The following ERMP1 variants were observed in gnomAD, a reference collection of about 807,000 sequenced individuals.
ERMP1 encodes Felix-ina.
Under a neutral mutation model 92.0 loss-of-function variants are expected in ERMP1, and 86 were observed. The ratio of observed to expected loss-of-function variants is 0.93; its 90% confidence interval spans 0.79 to 1.12. ERMP1 has a LOEUF of 1.12. Ranked by LOEUF, ERMP1 falls within the 50% of genes most tolerant of loss-of-function variation. The pLI is 0.00. For synonymous variants in ERMP1, 530 were observed against 412.8 expected, an observed-to-expected ratio of 1.28 and a Z score of -3.44; for missense variants, 1,342 against 1,116.3, an observed-to-expected ratio of 1.20 and a Z score of -2.88.
At chr9:5,791,611 A>G (rs1031015745) in intron 13 of ERMP1, among the ~76,000 whole-genome samples, 1 of 152,192 alleles carries the variant, frequency 6.6e-6, no homozygotes, top group Admixed American at 6.5e-5. Context: ...CTCACTTTTT[A>G]AAACACCTCA....
intron 5 of ERMP1, among the ~76,000 whole-genome samples, chr9:5,864,761 C>A (rs1830602757): frequency 6.6e-6 from 1 of 152,162 alleles, no homozygotes; most frequent in South Asian, 2.1e-4. Context: ...CCCTGTATTC[C>A]CTGAGGCTCC....
In ERMP1 at chr9:5,845,146, T is replaced by G. The variant is rs895858774; in HGVS notation, n.3200-11834A>C. 6.4e-4 allele frequency among the ~76,000 whole-genome samples: 9 copies of G among 14,020 alleles called. No homozygotes were observed. In the South Asian group the frequency reaches 0.21, roughly 325 times the overall value. The allele number at this position is 14,020 out of a possible 152,430, so 9.2% of individuals were successfully genotyped here. A position where few individuals can be genotyped will look rare whatever the true frequency, so the allele number is the denominator to read the frequency against. ...TTTCCATTGGGAAACTTTCAGTGTT[T>G]TTTTTTTTTGTTGTTGTGGTGGTGG... On this transcript the variant is annotated intron_variant and non_coding_transcript_variant, in intron 6 of 6. Transcript: ENST00000690753.
At chr9:5,835,883 T>G (rs1265486099), upstream of ERMP1, among the ~76,000 whole-genome samples, 1 of 152,228 alleles carries the variant, frequency 6.6e-6, no homozygotes, top group Non-Finnish European at 1.5e-5. Context: ...TATAATTTTA[T>G]TTGTGTTAAA....
intron 6 of ERMP1, among the ~76,000 whole-genome samples, chr9:5,842,046 T>G (rs1437441799): frequency 1.3e-5 from 2 of 151,860 alleles, no homozygotes; most frequent in Non-Finnish European, 2.9e-5. Context: ...ACAGTGAGCG[T>G]TACAGCATAT....
chr9:5,859,962 A>T (rs546973753), intron 5 of ERMP1, among the ~76,000 whole-genome samples: 109 of 152,266 alleles, frequency 7.2e-4, no homozygotes, highest in African/African-American at 2.5e-3. Flanking sequence ...TTAATATCTT[A>T]ATAAAGAATT....
chr9:5,799,005 T>G lies in ERMP1; in HGVS notation c.2071A>C (p.Met691Leu), dbSNP rs1224048750. 6.2e-7 allele frequency: 1 copy of G among 1,611,908 alleles called. No homozygotes were observed. The change falls in exon 12 of 15, where the codon ATG becomes CTG. Residue 691 changes from methionine (M) to leucine (L), a missense_variant. Physicochemically the swap from Met to Leu is conservative, Grantham distance 15. Transcript: ENST00000339450. ...PKPKRVFLQH[M>L]TRTFHDLEGN... ...TCCAAGTCATGGAATGTTCTAGTCA[T>G]ATGCTGAAAAAAAAAGACTAGTGAA...
At chr9:5,830,151 T>C (rs962865870) in intron 2 of ERMP1, among the ~76,000 whole-genome samples, 10 of 152,214 alleles carry the variant, frequency 6.6e-5, no homozygotes, top group African/African-American at 2.2e-4. Flanking sequence ...CAGCTTTGAA[T>C]GCAGCCCAAT....
Position 5,832,624 on chromosome 9 carries a change from G to A in ERMP1, c.338+66C>T. 9 of 1,254,782 alleles carry A rather than the reference G, an allele frequency of 7.2e-6. No individual in the cohort carries two copies. The South Asian group carries it at 1.6e-4, about 23-fold the overall frequency. The allele number at this position is 1,254,782 out of a possible 1,614,324, so 77.7% of individuals were successfully genotyped here. On this transcript the variant is annotated intron_variant, in intron 1 of 14. Coordinates refer to ENST00000339450, the MANE Select transcript of ERMP1 (RefSeq NM_024896.3). ...AGGGGCGGGTGCACACAGGTGCGGTGCCCCGGAGCCTGCGCAGGAGCCGCA... is the reference window on the plus strand; with the variant it reads ...AGGGGCGGGTGCACACAGGTGCGGTACCCCGGAGCCTGCGCAGGAGCCGCA...
At position 5,787,748 on chromosome 9, in the gene ERMP1, G is replaced by C. The variant is rs76320329; in HGVS notation, c.2387-155C>G. 9.9e-3 allele frequency among the ~76,000 whole-genome samples: 1,507 copies of C among 152,322 alleles called. 38 individuals are homozygous for C. The highest frequency in any genetic ancestry group is 0.035 in the African/African-American group (1,446 of 41,560). On this transcript the variant is annotated intron_variant, in intron 13 of 14. Transcript: ENST00000339450. ...GGAGGTTTACCAGTTTGGACACTTAGTGTGAATCAACAAGGTTAAATAATG... is the reference window on the plus strand; with the variant it reads ...GGAGGTTTACCAGTTTGGACACTTACTGTGAATCAACAAGGTTAAATAATG...
At chr9:5,795,031 A>G (rs1000632760) in intron 13 of ERMP1, among the ~76,000 whole-genome samples, 1 of 152,212 alleles carries the variant, frequency 6.6e-6, no homozygotes, top group Non-Finnish European at 1.5e-5. Flanking sequence ...AACGATGCAT[A>G]AAAGGTTTTA....
chr9:5,854,475 T>C (rs938851593), intron 6 of ERMP1, among the ~76,000 whole-genome samples: 1 of 152,140 alleles, frequency 6.6e-6, no homozygotes, highest in African/African-American at 2.4e-5. Context: ...ATTTTCAAAA[T>C]ACATTTTGCT....
At chr9:5,791,624 A>G (rs1828201321) in intron 13 of ERMP1, among the ~76,000 whole-genome samples, 1 of 152,224 alleles carries the variant, frequency 6.6e-6, no homozygotes, top group Non-Finnish European at 1.5e-5. Context: ...ACACCTCACA[A>G]GCAAACAAAC....
At chr9:5,836,976 G>A (rs542879964), upstream of ERMP1, among the ~76,000 whole-genome samples, 1 of 152,296 alleles carries the variant, frequency 6.6e-6, no homozygotes, top group East Asian at 1.9e-4. Flanking sequence ...CTACGTCCCT[G>A]TATCTAGGTA....
At position 5,805,125 on chromosome 9, in the gene ERMP1, A is replaced by C. The variant is rs1345337837; in HGVS notation, c.1816T>G (p.Phe606Val). ...CCACTTCTCCCGAGGATAGGGGTAA[A>C]CATCTCAAATACTGCCCAGATGAGG... The part of the protein sequence containing the change: ...LYLIWAVFEM[F>V]TPILGRSGSE... The change falls in exon 10 of 15, where the codon TTT becomes GTT. Residue 606 changes from phenylalanine (F) to valine (V), a missense_variant. Coordinates refer to ENST00000339450, the MANE Select transcript of ERMP1 (RefSeq NM_024896.3). 1 of 1,613,626 alleles carries C rather than the reference A, an allele frequency of 6.2e-7. No individual in the cohort carries two copies. The highest frequency in any genetic ancestry group is 8.5e-7 in the Non-Finnish European group (1 of 1,179,822).
intron 4 of ERMP1, among the ~76,000 whole-genome samples, chr9:5,821,799 T>C (rs1018153292): frequency 2.0e-5 from 3 of 152,218 alleles, no homozygotes; most frequent in Admixed American, 6.5e-5. Context: ...TACTTCAACA[T>C]GGAAAATACA....
At chr9:5,825,272 T>C in intron 2 of ERMP1, 53 bp from the exon 3 acceptor site, 2 of 1,563,764 alleles carry the variant, frequency 1.3e-6, no homozygotes, top group Non-Finnish European at 1.7e-6. Context: ...GTTTACAATA[T>C]GACCCATTAG....
Position 5,830,838 on chromosome 9 carries a change from T to TA in ERMP1, c.528dup (p.Thr177TyrfsTer5), listed in dbSNP as rs1829911014. ...TTGGTGATGTTGTCATAATAGCTTG[T>TA]AAAACCTCCCAAGAAATCAATGCTA... On this transcript the variant is annotated frameshift_variant, in exon 2 of 15. Coordinates refer to ENST00000339450, the MANE Select transcript of ERMP1 (RefSeq NM_024896.3). LOFTEE classifies it high-confidence loss of function. 1 of 1,614,122 alleles carries TA rather than the reference T, an allele frequency of 6.2e-7. No individual in the cohort carries two copies. The highest frequency in any genetic ancestry group is 2.2e-5 in the East Asian group (1 of 44,874).
At chr9:5,834,354 AT>A (rs1220495387), upstream of ERMP1, among the ~76,000 whole-genome samples, 1 of 152,178 alleles carries the variant, frequency 6.6e-6, no homozygotes, top group African/African-American at 2.4e-5. Flanking sequence ...TATTTGTAGG[AT>A]CTCACAGCAC....
intron 13 of ERMP1, among the ~76,000 whole-genome samples, chr9:5,793,645 A>C (rs139562236): frequency 2.3e-4 from 35 of 152,260 alleles, no homozygotes; most frequent in Middle Eastern, 3.4e-3. Context: ...GTAGGAGAGC[A>C]ATATTAATTT....
Sources: gnomAD v4.1 joint callset for allele counts (sites outside exome capture counted in the v4.1 genomes callset) on GRCh38, gnomAD v4.1.1 for gene constraint, MANE v1.5 for transcripts, NCBI Gene and HGNC (gene_info 2026-07-23, HGNC 2026-07-21) for gene names.